TIAM2: variants seen among roughly 807,000 people sequenced by gnomAD.
The protein encoded by TIAM2 is TIAM Rac1 associated GEF 2, also known as rho guanine nucleotide exchange factor TIAM2.
In TIAM2, 80 loss-of-function variants were observed where a neutral mutation model predicts 152.9. The ratio of observed to expected loss-of-function variants is 0.52; its 90% CI spans 0.44 to 0.63. The LOEUF (loss-of-function observed/expected upper bound fraction) is 0.63. Ranked by LOEUF, TIAM2 falls within the 30% of genes least tolerant of loss-of-function variation. TIAM2 has a pLI of 0.00. For missense variants in TIAM2, 1,965 were observed against 2,120.1 expected, an observed-to-expected ratio of 0.93 and a Z score of 1.44; for synonymous variants, 804 against 838.0, an observed-to-expected ratio of 0.96 and a Z score of 0.70.
intron 1 of TIAM2, chr6:155,022,221 G>A (rs1049229160): frequency 1.3e-5 from 2 of 152,142 alleles, no homozygotes; most frequent in South Asian, 2.1e-4. Context: ...CAGAGACGCC[G>A]AGCTCTGTAC....
At chr6:155,219,288 C>T (rs985877596) in intron 15 of TIAM2, among the ~76,000 whole-genome samples, 2 of 152,058 alleles carry the variant, frequency 1.3e-5, no homozygotes, top group Non-Finnish European at 2.9e-5. Context: ...CTTCAAGTGA[C>T]CAAATAAAAA....
At chr6:155,199,052 A>ATT (rs1781418997) in intron 14 of TIAM2, among the ~76,000 whole-genome samples, 1 of 150,682 alleles carries the variant, frequency 6.6e-6, no homozygotes, top group Non-Finnish European at 1.5e-5. Flanking sequence ...CAACTAAAAA[A>ATT]GGACAGTAAC....
intron 1 of TIAM2, among the ~76,000 whole-genome samples, chr6:155,008,344 G>T (rs1331841753): frequency 6.6e-6 from 1 of 152,122 alleles, no homozygotes; most frequent in Non-Finnish European, 1.5e-5. Context: ...TATATATTAC[G>T]CAGAAAGTCA....
intron 15 of TIAM2, among the ~76,000 whole-genome samples, chr6:155,233,602 G>C (rs1176530540): frequency 6.6e-6 from 1 of 152,202 alleles, no homozygotes; most frequent in Non-Finnish European, 1.5e-5. Flanking sequence ...GAGCTCTTGA[G>C]TGGGATGCTC....
At chr6:155,015,944 C>CAAAAAAAAA (rs3081689) in intron 1 of TIAM2, among the ~76,000 whole-genome samples, 10 of 61,832 alleles carry the variant, frequency 1.6e-4, no homozygotes, top group South Asian at 1.0e-3. Context: ...TTCAAAAAAC[C>CAAAAAAAAA]AAAAAAAAAA....
rs773248436 is a variant in TIAM2 at position 155,129,703 on chromosome 6, A to T, written c.480A>T (p.Arg160=). Residue 160 remains arginine, a synonymous_variant, in exon 4 of 27, where the codon CGA becomes CGT. Transcript: ENST00000682666. This position sits in a 1 kb window ranked among gnomAD's most constrained non-coding sequence, Gnocchi z 4.8. ...TPPGEDRKSP[R]VLIKTLGKLD... is the part of the protein sequence containing the mutation. The stretch of plus-strand genomic sequence containing the variant: ...CGGGCGAAGACCGCAAGAGCCCCCG[A>T]GTGCTCATCAAAACGCTGGGGAAGC... 6.2e-7 allele frequency: 1 copy of T among 1,613,960 alleles called. No homozygotes were observed. Among genetic ancestry groups the T allele is most frequent in the South Asian group, 1.1e-5 (1 of 91,084 alleles).
chr6:155,001,377 T>C (rs151033966), intron 1 of TIAM2, among the ~76,000 whole-genome samples: 2,431 of 152,320 alleles, frequency 0.016, 31 homozygotes, highest in Non-Finnish European at 0.023. Flanking sequence ...GACCCAATGG[T>C]TAGCATGCCC....
rs117260339 is a variant in TIAM2, at chr6:155,029,344, A to C, written c.-209+33852A>C. ...CTATATGTACTATGTGTTATATATA[A>C]TATATATACGTTATATATAATATAT... On this transcript the variant is annotated intron_variant, in intron 1 of 26. Transcript: ENST00000682666. Among the ~76,000 whole-genome samples, 28 of 74,038 alleles carry C rather than the reference A, an allele frequency of 3.8e-4. 1 individual carries two copies. Among genetic ancestry groups the C allele is most frequent in the African/African-American group, 1.1e-3 (22 of 19,986 alleles). The allele number at this position is 74,038 out of a possible 152,430, so 48.6% of individuals were successfully genotyped here. A position where few individuals can be genotyped will look rare whatever the true frequency, so the allele number is the denominator to read the frequency against.
At chr6:155,049,305 G>A (rs943415920) in intron 1 of TIAM2, among the ~76,000 whole-genome samples, 3 of 152,096 alleles carry the variant, frequency 2.0e-5, no homozygotes, top group African/African-American at 4.8e-5. Flanking sequence ...AGGGTTCGAC[G>A]GTTAATGGCC....
At position 155,247,913 on chromosome 6, in the gene TIAM2, AGAT is replaced by A. The variant is rs1408419571; in HGVS notation, c.3653-83_3653-81del. 4 of 1,457,614 alleles carry A rather than the reference AGAT, an allele frequency of 2.7e-6. No homozygotes were observed. The African/African-American group carries it at 5.6e-5, about 21-fold the overall frequency. The allele number at this position is 1,457,614 out of a possible 1,614,324, so 90.3% of individuals were successfully genotyped here. On this transcript the variant is annotated intron_variant, in intron 19 of 26. Transcript: ENST00000682666. ...ATGGCATTAGGAGGACTATAGAAAT[AGAT>A]GATCTATAAATGTTAAAAGAGAAAT...
chr6:155,129,280 T>C lies in TIAM2; in HGVS notation c.57T>C (p.Thr19=), dbSNP rs111688593. Residue 19 remains threonine (T), a synonymous_variant, in exon 4 of 27, where the codon ACT becomes ACC. Transcript: ENST00000682666. This position sits in a 1 kb window ranked among gnomAD's most constrained non-coding sequence, Gnocchi z 4.8. The part of the protein sequence containing the change: ...TLQGSKNHSN[T]ITGAKQIPCS... ...AAGGATCTAAAAATCATAGCAATAC[T>C]ATTACTGGTGCTAAGCAAATTCCTT... The C allele has an allele frequency of 5.0e-6, 8 of 1,614,230 alleles. No individual in the cohort carries two copies. Among genetic ancestry groups the C allele is most frequent in the Non-Finnish European group, 6.8e-6 (8 of 1,180,056 alleles).
chr6:155,103,895 G>A (rs1291023628), intron 2 of TIAM2, among the ~76,000 whole-genome samples: 1 of 151,508 alleles, frequency 6.6e-6, no homozygotes, highest in African/African-American at 2.4e-5. Context: ...CTGTCTTAAT[G>A]TGGAAGGCTT....
At chr6:155,192,596 G>A (rs1478135776) in intron 14 of TIAM2, among the ~76,000 whole-genome samples, 1 of 150,830 alleles carries the variant, frequency 6.6e-6, no homozygotes, top group Non-Finnish European at 1.5e-5. Context: ...CCATTTTTAT[G>A]TAAACACAAT....
At chr6:155,250,452 T>G in intron 21 of TIAM2, 1 of 1,123,462 alleles carries the variant, frequency 8.9e-7, no homozygotes, top group Non-Finnish European at 1.3e-6. Flanking sequence ...AGTAGCATAG[T>G]TTAGGGAGAA....
intron 1 of TIAM2, among the ~76,000 whole-genome samples, chr6:154,997,737 C>T (rs1284780505): frequency 6.8e-6 from 1 of 146,644 alleles, no homozygotes; most frequent in Non-Finnish European, 1.5e-5. Context: ...GCCTCCCCAG[C>T]TCAATTGATC....
chr6:155,033,528 GA>G (rs1298988179), intron 1 of TIAM2, among the ~76,000 whole-genome samples: 1 of 152,028 alleles, frequency 6.6e-6, no homozygotes, highest in African/African-American at 2.4e-5. Flanking sequence ...CTCAAGAATA[GA>G]AAGGTTTAGT....
At chr6:154,999,864 A>G (rs1778284541) in intron 1 of TIAM2, among the ~76,000 whole-genome samples, 2 of 151,836 alleles carry the variant, frequency 1.3e-5, no homozygotes, top group Non-Finnish European at 2.9e-5. Context: ...TTTTTAGTAC[A>G]GACGGGGTTT....
chr6:154,999,130 T>G (rs1778269615), intron 1 of TIAM2, among the ~76,000 whole-genome samples: 1 of 152,052 alleles, frequency 6.6e-6, no homozygotes, highest in Non-Finnish European at 1.5e-5. Flanking sequence ...CCATAAAAAG[T>G]ATTGGTTAAA....
intron 15 of TIAM2, among the ~76,000 whole-genome samples, chr6:155,239,534 C>T (rs1208688673): frequency 6.6e-6 from 1 of 152,222 alleles, no homozygotes; most frequent in Non-Finnish European, 1.5e-5. Flanking sequence ...AAGCGTTTCA[C>T]CTGTGAGGCT....
Sources: gnomAD v4.1 joint callset for allele counts (sites outside exome capture counted in the v4.1 genomes callset) on GRCh38, gnomAD v4.1.1 for gene constraint, Gnocchi (gnomAD v3.1) non-coding constraint, MANE v1.5 for transcripts, NCBI Gene and HGNC (gene_info 2026-07-23, HGNC 2026-07-21) for gene names.